The following PCDHA5 variants were observed in gnomAD, a reference collection of about 807,000 sequenced individuals.
The protein encoded by PCDHA5 is protocadherin alpha 5.
In PCDHA5, 43 loss-of-function variants were observed where a neutral mutation model predicts 61.6. The observed-to-expected ratio is 0.70, with a 90% CI of 0.55 to 0.90. The LOEUF is 0.90. Ranked by LOEUF, PCDHA5 falls within the 40% of genes least tolerant of loss-of-function variation. The probability of loss-of-function intolerance (pLI) is 0.00; values close to 1 mark genes in which losing one functional copy is unlikely to be tolerated. For synonymous variants in PCDHA5, 627 were observed against 543.9 expected, an observed-to-expected ratio of 1.15 and a Z score of -2.13; for missense variants, 1,298 against 1,222.7, an observed-to-expected ratio of 1.06 and a Z score of -0.92.
At chr5:140,984,965 T>G (rs2097128606) in intron 3 of PCDHA5, among the ~76,000 whole-genome samples, 1 of 151,666 alleles carries the variant, frequency 6.6e-6, no homozygotes, top group Non-Finnish European at 1.5e-5. Context: ...TGAGACAGAG[T>G]CTCGCTCTGT....
At chr5:140,906,766 C>T (rs1162031965) in intron 1 of PCDHA5, among the ~76,000 whole-genome samples, 1 of 152,224 alleles carries the variant, frequency 6.6e-6, no homozygotes, top group African/African-American at 2.4e-5. Flanking sequence ...TACTAAGAGA[C>T]ACCCTAAGGG....
At chr5:140,940,987 T>A (rs1239979893) in intron 1 of PCDHA5, among the ~76,000 whole-genome samples, 2 of 152,190 alleles carry the variant, frequency 1.3e-5, no homozygotes, top group African/African-American at 4.8e-5. Flanking sequence ...TAGTTACAAG[T>A]TTATAGGATT....
At chr5:140,916,072 AC>A (rs1445012621) in intron 1 of PCDHA5, among the ~76,000 whole-genome samples, 4 of 152,054 alleles carry the variant, frequency 2.6e-5, no homozygotes, top group Non-Finnish European at 5.9e-5. Flanking sequence ...TGTGGCCAGT[AC>A]TACCACTGGT....
At chr5:140,852,691 T>C (rs1027871378) in intron 1 of PCDHA5, 4 of 974,686 alleles carry the variant, frequency 4.1e-6, no homozygotes, top group East Asian at 1.1e-4. Context: ...TATAGTCTTA[T>C]ACTTTCAAGT....
At chr5:140,942,139 A>C (rs1211983428) in intron 1 of PCDHA5, among the ~76,000 whole-genome samples, 1 of 152,248 alleles carries the variant, frequency 6.6e-6, no homozygotes, top group Non-Finnish European at 1.5e-5. Context: ...TTGTGGCTTT[A>C]CTTGACATAA....
intron 1 of PCDHA5, chr5:140,928,905 G>T: frequency 6.2e-7 from 1 of 1,614,138 alleles, no homozygotes; most frequent in South Asian, 1.1e-5. Flanking sequence ...AAGATGTCTG[G>T]GAACCAGGAG....
intron 1 of PCDHA5, among the ~76,000 whole-genome samples, chr5:140,846,921 G>T (rs1780756664): frequency 6.7e-6 from 1 of 149,554 alleles, no homozygotes. Context: ...TTTCCTATTT[G>T]AATTTTTGAA....
intron 1 of PCDHA5, chr5:140,858,158 G>C: frequency 6.3e-7 from 1 of 1,597,732 alleles, no homozygotes; most frequent in Non-Finnish European, 8.6e-7. Flanking sequence ...CGCCATCTGC[G>C]CGGTGTCCAG....
At chr5:140,904,949 T>A (rs2071498656) in intron 1 of PCDHA5, among the ~76,000 whole-genome samples, 1 of 152,228 alleles carries the variant, frequency 6.6e-6, no homozygotes, top group South Asian at 2.1e-4. Flanking sequence ...TAGTCCTTTG[T>A]CTGATGCAGA....
intron 1 of PCDHA5, chr5:140,862,939 T>G (rs2047666977): frequency 1.8e-6 from 1 of 541,782 alleles, no homozygotes; most frequent in South Asian, 1.4e-5. Flanking sequence ...GCGCTGTGAG[T>G]GAGCTGGTGC....
At chr5:140,855,951 G>A (rs923077189) in intron 1 of PCDHA5, 2 of 1,372,088 alleles carry the variant, frequency 1.5e-6, no homozygotes, top group South Asian at 1.4e-5. Context: ...CAGCCATTTC[G>A]ATAAAAAATA....
At chr5:140,834,699 C>T (rs2150224551) in intron 1 of PCDHA5, 1 of 1,614,262 alleles carries the variant, frequency 6.2e-7, no homozygotes. Flanking sequence ...CAGCATCCAC[C>T]TGGAGGTGAT....
At position 140,823,094 on chromosome 5, in the gene PCDHA5, T is replaced by C. The variant is rs2150122248; in HGVS notation, c.1319T>C (p.Val440Ala). 2 of 1,614,032 alleles carry C rather than the reference T, an allele frequency of 1.2e-6. No homozygotes were observed. Among genetic ancestry groups the C allele is most frequent in the Non-Finnish European group, 1.7e-6 (2 of 1,179,984 alleles). The change falls in exon 1 of 4, where the codon GTG becomes GCG. Residue 440 changes from valine to alanine, a missense_variant. By Grantham distance (64) the Val-to-Ala change is moderately conservative. Coordinates refer to ENST00000529859, the MANE Select transcript of PCDHA5 (RefSeq NM_018908.3). ...GSPSLWATAS[V>A]SVEVADVNDN... ...CCTTCGCTGTGGGCCACCGCCAGCG[T>C]GTCTGTGGAAGTGGCCGACGTGAAC... is the stretch of plus-strand genomic sequence containing the variant.
At position 141,010,004 on chromosome 5, in the gene PCDHA5, A is replaced by T; in HGVS notation, c.*67A>T. 1 of 1,573,418 alleles carries T rather than the reference A, an allele frequency of 6.4e-7. No individual in the cohort carries two copies. The highest frequency in any genetic ancestry group is 8.6e-7 in the Non-Finnish European group (1 of 1,163,824). ...TAATGGCAAATCTCTCCCATGTAGC[A>T]ATTCCCTGCTCCTTTTTCCTATCTA... On this transcript the variant is annotated 3_prime_UTR_variant, in exon 4 of 4. Transcript: ENST00000529859.
At chr5:140,951,034 A>G (rs1407307131) in intron 1 of PCDHA5, among the ~76,000 whole-genome samples, 1 of 151,932 alleles carries the variant, frequency 6.6e-6, no homozygotes, top group African/African-American at 2.4e-5. Context: ...TTAATTTCAA[A>G]TATTATATTT....
intron 1 of PCDHA5, among the ~76,000 whole-genome samples, chr5:140,948,708 C>A (rs1376587735): frequency 6.6e-6 from 1 of 151,114 alleles, no homozygotes; most frequent in Non-Finnish European, 1.5e-5. Flanking sequence ...TGTGTTCTAT[C>A]CTCTTTTTTA....
intron 1 of PCDHA5, among the ~76,000 whole-genome samples, chr5:140,913,140 G>T (rs1562991745): frequency 6.6e-6 from 1 of 152,068 alleles, no homozygotes; most frequent in African/African-American, 2.4e-5. Context: ...CTACTTTTTG[G>T]AATAGTTTGA....
chr5:140,996,678 G>T (rs922990686), intron 3 of PCDHA5, among the ~76,000 whole-genome samples: 28 of 152,162 alleles, frequency 1.8e-4, no homozygotes, highest in African/African-American at 6.7e-4. Context: ...AACCATGTTG[G>T]GCTAGTATTC....
intron 1 of PCDHA5, chr5:140,853,180 A>G (rs2150529700): frequency 2.0e-6 from 2 of 976,402 alleles, no homozygotes. Flanking sequence ...CGCCTGGCCT[A>G]AAATGTGTTC....
Sources: gnomAD v4.1 joint callset for allele counts (sites outside exome capture counted in the v4.1 genomes callset) on GRCh38, gnomAD v4.1.1 for gene constraint, MANE v1.5 for transcripts, NCBI Gene and HGNC (gene_info 2026-07-23, HGNC 2026-07-21) for gene names.